PRR16: variants seen among roughly 807,000 people sequenced by gnomAD.
PRR16 encodes the protein proline rich 16, also known as protein Largen.
In PRR16, 6 loss-of-function variants were observed where a neutral mutation model predicts 18.2. The observed-to-expected ratio is 0.33, with a 90% CI of 0.18 to 0.65. The LOEUF is 0.65. Ranked by LOEUF, PRR16 falls within the 30% of genes least tolerant of loss-of-function variation. The pLI is 0.74. For missense variants in PRR16, 412 were observed against 376.6 expected (o/e 1.09, Z -0.78); for synonymous variants, 151 against 147.8 (o/e 1.02, Z -0.16).
At chr5:120,624,273 A>G (rs2112827104) in intron 1 of PRR16, among the ~76,000 whole-genome samples, 1 of 152,286 alleles carries the variant, frequency 6.6e-6, no homozygotes, top group East Asian at 1.9e-4. Context: ...AGGATTTAAG[A>G]TGAAACCGAA....
At chr5:120,777,151 G>C in the PRR16 span, among the ~76,000 whole-genome samples, 1 of 151,952 alleles carries the variant, frequency 6.6e-6, no homozygotes, top group East Asian at 1.9e-4. Context: ...CATTTTCGCA[G>C]ACTTGATGTG....
intron 1 of PRR16, among the ~76,000 whole-genome samples, chr5:120,499,213 G>A (rs1159578876): frequency 1.3e-5 from 2 of 151,382 alleles, no homozygotes; most frequent in African/African-American, 2.4e-5. Context: ...GGGTTCCAGC[G>A]ACTCTCCTGT....
At chr5:120,554,773 G>A (rs1168437396) in intron 1 of PRR16, among the ~76,000 whole-genome samples, 1 of 151,966 alleles carries the variant, frequency 6.6e-6, no homozygotes, top group Non-Finnish European at 1.5e-5. Flanking sequence ...ATAATCTGAA[G>A]CATTGCAAGT....
intron 1 of PRR16, among the ~76,000 whole-genome samples, chr5:120,517,464 C>A: frequency 6.6e-6 from 1 of 151,872 alleles, no homozygotes; most frequent in Non-Finnish European, 1.5e-5. Flanking sequence ...TTTAAAAAAC[C>A]TTTTCACATA....
chr5:120,530,355 T>C (rs1411437274), intron 1 of PRR16, among the ~76,000 whole-genome samples: 1 of 149,116 alleles, frequency 6.7e-6, no homozygotes, highest in Non-Finnish European at 1.5e-5. Context: ...AGCAGAATTC[T>C]TTCCCGGAGT....
chr5:120,575,203 A>G (rs1753033539), intron 1 of PRR16, among the ~76,000 whole-genome samples: 1 of 152,120 alleles, frequency 6.6e-6, no homozygotes. Flanking sequence ...ATCTTGGAAC[A>G]TGGATAAATG....
chr5:120,780,100 GA>G, the PRR16 span, among the ~76,000 whole-genome samples: 1 of 151,934 alleles, frequency 6.6e-6, no homozygotes, highest in African/African-American at 2.4e-5. Context: ...TTACAGAAAG[GA>G]AAACTGAGTC....
At chr5:120,611,034 T>C (rs1189039678) in intron 1 of PRR16, among the ~76,000 whole-genome samples, 2 of 152,300 alleles carry the variant, frequency 1.3e-5, no homozygotes, top group African/African-American at 4.8e-5. Context: ...AGAAATTTGC[T>C]GAGAACTGGA....
At chr5:120,758,096 T>G in the PRR16 span, among the ~76,000 whole-genome samples, 152 of 152,262 alleles carry the variant, frequency 1.0e-3, 1 homozygote, top group Admixed American at 4.5e-3. Context: ...TTTATTAACA[T>G]TATTAACTAT....
chr5:120,640,290 C>A (rs1255215260), intron 1 of PRR16, among the ~76,000 whole-genome samples: 2 of 65,286 alleles, frequency 3.1e-5, no homozygotes, highest in African/African-American at 1.1e-4. Context: ...TACCCCTGAA[C>A]CTAAAATAAA....
chr5:120,786,536 T>TTAAA, the PRR16 span, among the ~76,000 whole-genome samples: 24,140 of 148,148 alleles, frequency 0.16, 3,276 homozygotes, highest in African/African-American at 0.37. Flanking sequence ...ATTATATATA[T>TTAAA]TATTTTAAAT....
intron 1 of PRR16, among the ~76,000 whole-genome samples, chr5:120,551,266 T>C (rs1237010531): frequency 1.3e-5 from 2 of 152,026 alleles, no homozygotes; most frequent in African/African-American, 4.8e-5. Context: ...ATGCTGTATT[T>C]GTCTTCCTGA....
the PRR16 span, among the ~76,000 whole-genome samples, chr5:120,695,676 C>T: frequency 6.6e-6 from 1 of 152,166 alleles, no homozygotes; most frequent in Non-Finnish European, 1.5e-5. Context: ...TACGTCTGGT[C>T]TTGGCAGTCC....
intron 1 of PRR16, among the ~76,000 whole-genome samples, chr5:120,470,326 A>G (rs1186499104): frequency 6.6e-6 from 1 of 152,172 alleles, no homozygotes. Context: ...GCAGCACATG[A>G]ATATTATAGA....
intron 1 of PRR16, among the ~76,000 whole-genome samples, chr5:120,534,305 C>A (rs571740976): frequency 6.6e-6 from 1 of 152,256 alleles, no homozygotes; most frequent in East Asian, 1.9e-4. Flanking sequence ...CTGCCCCACA[C>A]ACATCTATTG....
At chr5:120,569,700 G>T (rs1202664317) in intron 1 of PRR16, among the ~76,000 whole-genome samples, 2 of 152,114 alleles carry the variant, frequency 1.3e-5, no homozygotes, top group Non-Finnish European at 2.9e-5. Context: ...GTTCCGGAGT[G>T]ATCAAGGCAG....
At chr5:120,653,502 A>T (rs1276394100) in intron 1 of PRR16, among the ~76,000 whole-genome samples, 2 of 151,912 alleles carry the variant, frequency 1.3e-5, no homozygotes, top group African/African-American at 4.8e-5. Context: ...GTCTGTTTTT[A>T]AAAAAATCAC....
chr5:120,720,378 T>C, the PRR16 span, among the ~76,000 whole-genome samples: 1 of 152,064 alleles, frequency 6.6e-6, no homozygotes, highest in South Asian at 2.1e-4. Flanking sequence ...CTTCTTCATC[T>C]TTTCCAAGTG....
At chr5:120,545,766 C>G (rs1752055976) in intron 1 of PRR16, among the ~76,000 whole-genome samples, 1 of 151,902 alleles carries the variant, frequency 6.6e-6, no homozygotes, top group African/African-American at 2.4e-5. Context: ...TTTGGGTAGC[C>G]TTAGATTTGA....
Sources: gnomAD v4.1 joint callset for allele counts (sites outside exome capture counted in the v4.1 genomes callset) on GRCh38, gnomAD v4.1.1 for gene constraint, MANE v1.5 for transcripts, NCBI Gene and HGNC (gene_info 2026-07-23, HGNC 2026-07-21) for gene names.